BMERB1: variants seen among roughly 807,000 people sequenced by gnomAD.
BMERB1 encodes the protein bMERB domain containing 1.
BMERB1 carries 12 observed loss-of-function variants against 23.6 expected under a neutral mutation model. The observed-to-expected ratio is 0.51, with a 90% CI of 0.33 to 0.82. The LOEUF (loss-of-function observed/expected upper bound fraction) is 0.82, where lower values mean the gene tolerates loss of function less well. Ranked by LOEUF, BMERB1 falls within the 40% of genes least tolerant of loss-of-function variation. The pLI is 0.03. For missense variants in BMERB1, 247 were observed against 255.4 expected (o/e 0.97, Z 0.22); for synonymous variants, 122 against 96.6 (o/e 1.26, Z -1.54).
In BMERB1 at chr16:15,510,232, C is replaced by T. The variant is rs1240613488; in HGVS notation, c.107-5073C>T. On this transcript the variant is annotated intron_variant, in intron 1 of 5. Coordinates refer to ENST00000300006, the MANE Select transcript of BMERB1 (RefSeq NM_033201.3). ...CTGGCCATGAATTGTTATGGCACCA[C>T]GCTTGACTCTGAGATAGGAATGAAT... Among the ~76,000 whole-genome samples, 5 of 152,098 alleles carry T rather than the reference C, an allele frequency of 3.3e-5. No individual in the cohort carries two copies. In the East Asian group the frequency reaches 5.8e-4, roughly 18 times the overall value.
At chr16:15,509,975 A>T (rs1380577398) in intron 1 of BMERB1, among the ~76,000 whole-genome samples, 2 of 152,200 alleles carry the variant, frequency 1.3e-5, no homozygotes, top group African/African-American at 4.8e-5. Context: ...AGAACCTGTG[A>T]AAACAGAGGC....
At chr16:15,441,990 A>G (rs937224749) in intron 1 of BMERB1, among the ~76,000 whole-genome samples, 4 of 152,136 alleles carry the variant, frequency 2.6e-5, no homozygotes, top group African/African-American at 4.8e-5. Context: ...AGGTGTGACA[A>G]GGGCCCCATG....
At chr16:15,552,281 A>G (rs1380911660) in intron 2 of BMERB1, among the ~76,000 whole-genome samples, 3 of 152,178 alleles carry the variant, frequency 2.0e-5, no homozygotes, top group Admixed American at 6.5e-5. Flanking sequence ...CTCTACTGAA[A>G]ATACAAAAAT....
At chr16:15,477,156 A>G (rs2051281424) in intron 1 of BMERB1, among the ~76,000 whole-genome samples, 1 of 152,060 alleles carries the variant, frequency 6.6e-6, no homozygotes, top group African/African-American at 2.4e-5. Flanking sequence ...CAGTTGACTC[A>G]CCCTTCCACA....
At chr16:15,461,894 A>G (rs1407053911) in intron 1 of BMERB1, among the ~76,000 whole-genome samples, 1 of 152,062 alleles carries the variant, frequency 6.6e-6, no homozygotes, top group Non-Finnish European at 1.5e-5. Flanking sequence ...TGATTGGGCC[A>G]CTGCACTCCA....
At chr16:15,442,767 A>G (rs1220029878) in intron 1 of BMERB1, among the ~76,000 whole-genome samples, 2 of 152,198 alleles carry the variant, frequency 1.3e-5, no homozygotes, top group African/African-American at 2.4e-5. Context: ...GCTGAAAGGC[A>G]TAAAGCTAGA....
intron 5 of BMERB1, among the ~76,000 whole-genome samples, chr16:15,586,321 G>C (rs2031139781): frequency 6.6e-6 from 1 of 152,114 alleles, no homozygotes; most frequent in Non-Finnish European, 1.5e-5. Flanking sequence ...GACAATGTAT[G>C]AGCATTTTCA....
chr16:15,467,061 T>C (rs934615437), intron 1 of BMERB1, among the ~76,000 whole-genome samples: 2 of 152,338 alleles, frequency 1.3e-5, no homozygotes, highest in African/African-American at 4.8e-5. Context: ...TAATATTCCA[T>C]TGTATGGATG....
intron 1 of BMERB1, among the ~76,000 whole-genome samples, chr16:15,506,522 CT>C (rs1458975691): frequency 6.6e-6 from 1 of 152,082 alleles, no homozygotes; most frequent in African/African-American, 2.4e-5. Flanking sequence ...ACCTGAGTTC[CT>C]TTCTCAAGAA....
At chr16:15,444,043 G>A (rs530910849) in intron 1 of BMERB1, among the ~76,000 whole-genome samples, 1 of 149,892 alleles carries the variant, frequency 6.7e-6, no homozygotes, top group Non-Finnish European at 1.5e-5. Flanking sequence ...GAAGAGTGTA[G>A]AGAAGGGGAT....
intron 1 of BMERB1, among the ~76,000 whole-genome samples, chr16:15,513,078 G>A (rs77465358): frequency 0.023 from 3,422 of 151,988 alleles, 141 homozygotes; most frequent in African/African-American, 0.079. Flanking sequence ...CTCAGGGTAC[G>A]CCAAAAACAT....
intron 1 of BMERB1, among the ~76,000 whole-genome samples, chr16:15,503,698 C>G (rs929791235): frequency 1.3e-5 from 2 of 152,132 alleles, no homozygotes; most frequent in Non-Finnish European, 2.9e-5. Context: ...ACAGCAGCAA[C>G]TTCATGAGGC....
In BMERB1 at chr16:15,581,296, C is replaced by A; in HGVS notation, c.384C>A (p.Asp128Glu). 1 of 1,614,114 alleles carries A rather than the reference C, an allele frequency of 6.2e-7. No homozygotes were observed. The highest frequency in any genetic ancestry group is 8.5e-7 in the Non-Finnish European group (1 of 1,180,004). The change falls in exon 4 of 6, where the codon GAC (aspartate) becomes GAA (glutamate). Residue 128 changes from aspartate (D) to glutamate (E), a missense_variant. By Grantham distance (45) the Asp-to-Glu change is conservative (BLOSUM62 2). Coordinates refer to ENST00000300006, the MANE Select transcript of BMERB1 (RefSeq NM_033201.3). ...QKIHKLVQKR[D>E]FLVDDAEVER... is the part of the protein sequence containing the mutation. ...TCCACAAACTGGTGCAGAAGAGAGACTTCCTGGTGGACGATGCGGAGGTCG... is the reference window on the plus strand; with the variant it reads ...TCCACAAACTGGTGCAGAAGAGAGAATTCCTGGTGGACGATGCGGAGGTCG...
chr16:15,533,728 C>T (rs2051992787), intron 2 of BMERB1, among the ~76,000 whole-genome samples: 1 of 152,080 alleles, frequency 6.6e-6, no homozygotes, highest in African/African-American at 2.4e-5. Context: ...GGAAAGAGGA[C>T]AGAGCGTCTG....
intron 2 of BMERB1, among the ~76,000 whole-genome samples, chr16:15,521,580 C>A (rs1045693516): frequency 3.9e-5 from 6 of 152,312 alleles, no homozygotes; most frequent in African/African-American, 1.4e-4. Context: ...CATAAGTGAG[C>A]TCCCAGCAGG....
At chr16:15,445,801 G>A (rs2050984051) in intron 1 of BMERB1, among the ~76,000 whole-genome samples, 1 of 152,124 alleles carries the variant, frequency 6.6e-6, no homozygotes, top group African/African-American at 2.4e-5. Context: ...ATGAGAGCAA[G>A]TGTCTCTACA....
rs76286235 is a variant in BMERB1 at position 15,577,738 on chromosome 16, G to A, written c.305-3479G>A. ...AGGTTGTGCGCATGCGCAGTGGCCT[G>A]CCAGCGCTTGGGAGAGGCTGCAAAC... is the stretch of plus-strand genomic sequence containing the variant. On this transcript the variant is annotated intron_variant, in intron 3 of 5. Transcript: ENST00000300006. Among the ~76,000 whole-genome samples the A allele has an allele frequency of 6.9e-3, 1,055 of 152,366 alleles. 9 individuals carry two copies. Among genetic ancestry groups the A allele is most frequent in the South Asian group, 0.022 (104 of 4,826 alleles).
rs897013565 is a variant in BMERB1 at position 15,587,780 on chromosome 16, T to G, written c.*951T>G. 7.3e-6 allele frequency: 2 copies of G among 273,880 alleles called. No homozygotes were observed. Among genetic ancestry groups the G allele is most frequent in the Non-Finnish European group, 1.5e-5 (2 of 132,520 alleles). The allele number at this position is 273,880 out of a possible 1,614,324, so 17.0% of individuals were successfully genotyped here. On this transcript the variant is annotated 3_prime_UTR_variant, in exon 6 of 6. Coordinates refer to ENST00000300006, the MANE Select transcript of BMERB1 (RefSeq NM_033201.3). ...CCGTCATTGGGTGGCATATGTTAAC[T>G]AGCTGCCAAACAACTTCAACCCGTG...
intron 2 of BMERB1, among the ~76,000 whole-genome samples, chr16:15,535,744 A>T (rs1047398753): frequency 6.6e-6 from 1 of 151,782 alleles, no homozygotes; most frequent in Non-Finnish European, 1.5e-5. Flanking sequence ...CCATTTTCAC[A>T]CTGGAAAAAA....
Sources: allele counts gnomAD v4.1 joint callset (sites outside exome capture counted in the v4.1 genomes callset), GRCh38; gene constraint gnomAD v4.1.1; transcripts MANE v1.5; gene names NCBI Gene and HGNC (gene_info 2026-07-23, HGNC 2026-07-21).